SPG21: variants seen among roughly 807,000 people sequenced by gnomAD.
SPG21 encodes the protein maspardin.
SPG21 carries 26 observed loss-of-function variants against 38.9 expected under a neutral mutation model. That is an observed-to-expected ratio of 0.67 (90% CI 0.49 to 0.93). The LOEUF is 0.93. Among genes scored for constraint, SPG21 ranks in the 40% least tolerant of loss-of-function variants. The probability of loss-of-function intolerance (pLI) is 0.00; values close to 1 mark genes in which losing one functional copy is unlikely to be tolerated. For synonymous variants in SPG21, 136 were observed against 128.9 expected (o/e 1.05, Z -0.37); for missense variants, 333 against 376.5 (o/e 0.88, Z 0.96).
intron 1 of SPG21, among the ~76,000 whole-genome samples, chr15:64,987,916 C>A (rs1595882856): frequency 6.6e-6 from 1 of 152,336 alleles, no homozygotes; most frequent in African/African-American, 2.4e-5. Context: ...TGCCTGTAAT[C>A]CCAGCTACGC....
intron 2 of SPG21, chr15:64,983,134 T>A: frequency 3.5e-6 from 1 of 288,328 alleles, no homozygotes; most frequent in South Asian, 2.7e-5. Context: ...AGCGCATGCC[T>A]GTAATCCTAG....
chr15:64,982,611 C>T (rs4238398), intron 2 of SPG21, among the ~76,000 whole-genome samples: 150,200 of 152,304 alleles, frequency 0.99, 74,096 homozygotes, highest in East Asian at 1. Context: ...TTCTAACACT[C>T]CTGCAAGGGA....
intron 2 of SPG21, 140 bp from the exon 3 acceptor site, chr15:64,981,165 C>T: frequency 1.1e-6 from 1 of 938,698 alleles, no homozygotes; most frequent in Non-Finnish European, 1.6e-6. Context: ...ACCAGATTAG[C>T]ATGCATGACA....
At chr15:64,971,413 C>T (rs1447193688) in intron 5 of SPG21, among the ~76,000 whole-genome samples, 4 of 152,050 alleles carry the variant, frequency 2.6e-5, no homozygotes, top group Non-Finnish European at 5.9e-5. Context: ...GTGGCGGGCG[C>T]CTGTAGTCCC....
At chr15:64,980,809 T>TAAA in intron 3 of SPG21, 55 bp downstream of exon 3, 26 of 1,267,858 alleles carry the variant, frequency 2.1e-5, no homozygotes, top group Non-Finnish European at 2.6e-5. Flanking sequence ...GACAGAAGCA[T>TAAA]AAAAAAAAAA....
chr15:64,982,805 T>C (rs940926044), intron 2 of SPG21: 2 of 152,218 alleles, frequency 1.3e-5, no homozygotes, highest in African/African-American at 4.8e-5. Context: ...GAGTATGTCA[T>C]TGCAAACAGA....
intron 6 of SPG21, 88 bp downstream of exon 6, chr15:64,970,026 A>C: frequency 9.2e-7 from 1 of 1,081,716 alleles, no homozygotes; most frequent in South Asian, 1.2e-5. Context: ...TCTTACACAT[A>C]CTTGTGAGAC....
intron 2 of SPG21, 108 bp downstream of exon 2, chr15:64,983,399 C>G: frequency 1.3e-6 from 1 of 786,828 alleles, no homozygotes; most frequent in Non-Finnish European, 2.2e-6. Context: ...AGTCATGATA[C>G]TCGGCAGTAA....
chr15:64,980,865 G>A lies in SPG21; in HGVS notation c.224C>T (p.Ala75Val). The change falls in exon 3 of 9, where the codon GCT becomes GTT. Residue 75 changes from alanine (A) to valine (V), a missense_variant and splice_region_variant. Ala to Val is a moderately conservative substitution (Grantham distance 64, BLOSUM62 0). Coordinates refer to ENST00000204566, the MANE Select transcript of SPG21 (RefSeq NM_016630.7). ...TGAATTTTAATCAGTAATACTTACA[G>A]CGATAACCCGGTAACCCCATCCAGT... Reference protein sequence around the residue: ...ALTGWGYRVIALQYPVYWDHL... With the variant: ...ALTGWGYRVIVLQYPVYWDHL... 6.2e-7 allele frequency: 1 copy of A among 1,612,570 alleles called. No homozygotes were observed. The highest frequency in any genetic ancestry group is 8.5e-7 in the Non-Finnish European group (1 of 1,179,848).
intron 1 of SPG21, among the ~76,000 whole-genome samples, chr15:64,985,493 A>G (rs2085973190): frequency 6.6e-6 from 1 of 152,246 alleles, no homozygotes; most frequent in African/African-American, 2.4e-5. Context: ...CATCTGTGCT[A>G]TGTCATAACA....
chr15:64,969,432 C>T lies in SPG21; in HGVS notation c.562-70G>A. Reference sequence around the variant, plus strand: ...TTCACATTTACATTAAATCCACAGACAACATTTGTGCTTATAAAGGTGGTA... The same window carrying T: ...TTCACATTTACATTAAATCCACAGATAACATTTGTGCTTATAAAGGTGGTA... On this transcript the variant is annotated intron_variant, in intron 6 of 8. Coordinates refer to ENST00000204566, the MANE Select transcript of SPG21 (RefSeq NM_016630.7). The T allele has an allele frequency of 2.7e-6, 3 of 1,115,582 alleles. No individual in the cohort carries two copies. In the South Asian group the frequency reaches 3.7e-5, roughly 14 times the overall value. The allele number at this position is 1,115,582 out of a possible 1,614,324, so 69.1% of individuals were successfully genotyped here.
At chr15:64,968,431 T>G (rs2085590775) in intron 7 of SPG21, among the ~76,000 whole-genome samples, 1 of 151,402 alleles carries the variant, frequency 6.6e-6, no homozygotes. Context: ...CTAAGTGAAA[T>G]GGCCACACAA....
rs184948623 is a variant in SPG21 at position 64,966,797 on chromosome 15, G to A, written c.670-1337C>T. On this transcript the variant is annotated intron_variant, in intron 7 of 8. Coordinates refer to ENST00000204566, the MANE Select transcript of SPG21 (RefSeq NM_016630.7). Reference sequence around the variant, plus strand: ...GCCTGTAGTCCCAGCTACTTGGGAGGCTGAGGCAGGAGAATGGCGTCAACC... The same window carrying A: ...GCCTGTAGTCCCAGCTACTTGGGAGACTGAGGCAGGAGAATGGCGTCAACC... Among the ~76,000 whole-genome samples, 71 of 152,252 alleles carry A rather than the reference G, an allele frequency of 4.7e-4. 1 individual carries two copies. Among genetic ancestry groups the A allele is most frequent in the African/African-American group, 1.6e-3 (65 of 41,550 alleles).
chr15:64,970,243 A>C (rs1405097902), intron 5 of SPG21, 21 bp from the exon 6 acceptor site: 1 of 1,584,066 alleles, frequency 6.3e-7, no homozygotes, highest in Admixed American at 1.7e-5. Flanking sequence ...CAAAGACCTT[A>C]TAATTTAAAC....
At chr15:64,982,690 G>C (rs1052698132) in intron 2 of SPG21, among the ~76,000 whole-genome samples, 4 of 152,128 alleles carry the variant, frequency 2.6e-5, no homozygotes, top group African/African-American at 9.7e-5. Context: ...CAAACATCTG[G>C]GATTAATTTG....
intron 8 of SPG21, among the ~76,000 whole-genome samples, chr15:64,964,266 C>A (rs536142672): frequency 6.6e-6 from 1 of 152,326 alleles, no homozygotes; most frequent in African/African-American, 2.4e-5. Context: ...CTCCCTGAGT[C>A]CCTGCAGAGT....
chr15:64,964,750 C>G (rs1342402418), intron 8 of SPG21, among the ~76,000 whole-genome samples: 7 of 152,052 alleles, frequency 4.6e-5, no homozygotes, highest in Non-Finnish European at 1.0e-4. Flanking sequence ...TCTGCCTCAG[C>G]CTCCCGAGTA....
At chr15:64,989,293 A>G (rs1317361741) in intron 1 of SPG21, 1 of 152,198 alleles carries the variant, frequency 6.6e-6, no homozygotes. Context: ...AAAAAAAGAA[A>G]GAAAGAAAGA....
intron 7 of SPG21, among the ~76,000 whole-genome samples, chr15:64,968,045 A>G (rs1419407713): frequency 1.3e-5 from 2 of 152,192 alleles, no homozygotes; most frequent in Non-Finnish European, 2.9e-5. Flanking sequence ...ATTGGTAGAT[A>G]TTATTCAGCT....
Sources: gnomAD v4.1 joint callset for allele counts (sites outside exome capture counted in the v4.1 genomes callset) on GRCh38, gnomAD v4.1.1 for gene constraint, MANE v1.5 for transcripts, NCBI Gene and HGNC (gene_info 2026-07-23, HGNC 2026-07-21) for gene names.